The following DECR2 variants were observed in gnomAD, a reference collection of about 807,000 sequenced individuals.
DECR2 encodes the protein peroxisomal 2,4-dienoyl-CoA reductase [(3E)-enoyl-CoA-producing].
A neutral mutation model predicts 29.2 loss-of-function variants in DECR2; 34 were observed. That is an observed-to-expected ratio of 1.16 (90% CI 0.89 to 1.55). DECR2 has a LOEUF of 1.55. DECR2 is among the 40% of genes most tolerant of loss of function. The pLI, the probability that DECR2 is intolerant of heterozygous loss-of-function variation, is 0.00. For missense variants in DECR2, 485 were observed against 425.3 expected (o/e 1.14, Z -1.23); for synonymous variants, 224 against 182.7 (o/e 1.23, Z -1.82).
chr16:407,636 A>C (rs2141810098), intron 4 of DECR2, 76 bp downstream of exon 4: 1 of 1,580,946 alleles, frequency 6.3e-7, no homozygotes, highest in Non-Finnish European at 8.6e-7. Flanking sequence ...AACTCTGGTC[A>C]TGGGGTGGGG....
rs1030144882 is a variant in DECR2, at chr16:410,871, C to G, written c.556+87C>G. On this transcript the variant is annotated intron_variant, in intron 6 of 8. Coordinates refer to ENST00000219481, the MANE Select transcript of DECR2 (RefSeq NM_020664.4). The surrounding 1 kb of genome is among the most constrained non-coding windows in gnomAD (Gnocchi z 4.1). ...CATCCCAGGAGGCCAGCAGTCTCCA[C>G]TTGAAGCTGAGCCCAGCTGCAGGCA... 31 of 1,525,082 alleles carry G rather than the reference C, an allele frequency of 2.0e-5. No individual in the cohort carries two copies. Among genetic ancestry groups the G allele is most frequent in the Admixed American group, 4.0e-5 (2 of 50,284 alleles). The allele number at this position is 1,525,082 out of a possible 1,614,324, so 94.5% of individuals were successfully genotyped here.
Position 410,493 on chromosome 16 carries a change from A to C in DECR2, c.462+126A>C. 1 of 1,324,138 alleles carries C rather than the reference A, an allele frequency of 7.6e-7. No individual in the cohort carries two copies. Among genetic ancestry groups the C allele is most frequent in the Non-Finnish European group, 9.9e-7 (1 of 1,005,716 alleles). The allele number at this position is 1,324,138 out of a possible 1,614,324, so 82.0% of individuals were successfully genotyped here. A position where few individuals can be genotyped will look rare whatever the true frequency, so the allele number is the denominator to read the frequency against. Reference sequence around the variant, plus strand: ...AGTTCTTCCGGGTGGGTGTACTCCCAGCGGGGGCCTCCCCCTGACGGCCGC... The same window carrying C: ...AGTTCTTCCGGGTGGGTGTACTCCCCGCGGGGGCCTCCCCCTGACGGCCGC... On this transcript the variant is annotated intron_variant, in intron 5 of 8. Coordinates refer to ENST00000219481, the MANE Select transcript of DECR2 (RefSeq NM_020664.4). This position sits in a 1 kb window ranked among gnomAD's most constrained non-coding sequence, Gnocchi z 4.1.
chr16:406,360 C>A lies in DECR2; in HGVS notation c.164C>A (p.Thr55Lys). The change falls in exon 3 of 9, where the codon ACG (threonine) becomes AAG (lysine). Residue 55 changes from threonine (T) to lysine (K), a missense_variant. Physicochemically the swap from Thr to Lys is moderately conservative, Grantham distance 78 (BLOSUM62 -1). Transcript: ENST00000219481. The part of the protein sequence containing the change: ...AEIFMRHGCH[T>K]VIASRSLPRV... ...TGGTTTTGCAGGCACGGCTGCCATA[C>A]GGTGATTGCCAGTAGGAGCCTGCCG... 1 of 1,607,470 alleles carries A rather than the reference C, an allele frequency of 6.2e-7. No individual in the cohort carries two copies. The highest frequency in any genetic ancestry group is 8.5e-7 in the Non-Finnish European group (1 of 1,179,900).
In DECR2 at chr16:410,601, C is replaced by T. The variant is rs2054804407; in HGVS notation, c.463-90C>T. 1 of 1,411,274 alleles carries T rather than the reference C, an allele frequency of 7.1e-7. No homozygotes were observed. Among genetic ancestry groups the T allele is most frequent in the South Asian group, 1.2e-5 (1 of 81,720 alleles). 87.4% of individuals were successfully genotyped at this position (1,411,274 alleles called of 1,614,324 possible). ...CCCTGACGGCCGCCCGCTCCCTGCCCCGGGCCTCCCCCTGACAGCCACCCG... is the reference window on the plus strand; with the variant it reads ...CCCTGACGGCCGCCCGCTCCCTGCCTCGGGCCTCCCCCTGACAGCCACCCG... On this transcript the variant is annotated intron_variant, in intron 5 of 8. Transcript: ENST00000219481. The surrounding 1 kb of genome is among the most constrained non-coding windows in gnomAD (Gnocchi z 4.1).
intron 1 of DECR2, among the ~76,000 whole-genome samples, chr16:403,479 G>A (rs1263860574): frequency 2.0e-5 from 3 of 152,172 alleles, no homozygotes; most frequent in South Asian, 2.1e-4. Context: ...TTATCCCGAC[G>A]TAGCTTGCTG....
chr16:407,839 C>T (rs1278859466), intron 4 of DECR2, among the ~76,000 whole-genome samples: 5 of 146,720 alleles, frequency 3.4e-5, no homozygotes, highest in Non-Finnish European at 7.5e-5. Flanking sequence ...CTCCGGCCCC[C>T]TGTCTCTGGG....
intron 2 of DECR2, 133 bp from the exon 3 acceptor site, chr16:406,213 T>C: frequency 1.1e-6 from 1 of 870,818 alleles, no homozygotes; most frequent in East Asian, 2.6e-5. Flanking sequence ...TTCACGCCCC[T>C]GTGCCCTCTG....
intron 4 of DECR2, 48 bp downstream of exon 4, chr16:407,608 A>C: frequency 6.2e-7 from 1 of 1,607,244 alleles, no homozygotes; most frequent in African/African-American, 1.3e-5. Context: ...GGTTGGTGGT[A>C]CCATTTGGAG....
chr16:411,176 C>G, intron 7 of DECR2, 100 bp downstream of exon 7: 1 of 1,290,032 alleles, frequency 7.8e-7, no homozygotes, highest in Non-Finnish European at 1.0e-6. Context: ...TGTTGAAAAG[C>G]CCTGTGCTGG....
chr16:411,395 T>C lies in DECR2; in HGVS notation c.696T>C (p.Thr232=). ...AGGCCAGCCTGAGCACCAAGGTCAC[T>C]GCCAGCCCGCTGCAGAGGCTGGGGA... ...GPQASLSTKV[T]ASPLQRLGNK... Residue 232 remains threonine, a synonymous_variant, in exon 8 of 9, where the codon ACT becomes ACC. Coordinates refer to ENST00000219481, the MANE Select transcript of DECR2 (RefSeq NM_020664.4). 1.2e-6 allele frequency: 2 copies of C among 1,611,788 alleles called. No homozygotes were observed. The highest frequency in any genetic ancestry group is 1.7e-6 in the Non-Finnish European group (2 of 1,179,882).
At chr16:411,150 A>G in intron 7 of DECR2, 74 bp downstream of exon 7, 3 of 1,391,856 alleles carry the variant, frequency 2.2e-6, no homozygotes, top group Non-Finnish European at 2.9e-6. Flanking sequence ...AGCTTCCAGA[A>G]CCTTGGCAGG....
At chr16:411,791 C>G in intron 8 of DECR2, 99 bp from the exon 9 acceptor site, 1 of 513,838 alleles carries the variant, frequency 1.9e-6, no homozygotes, top group Non-Finnish European at 3.3e-6. Context: ...GCCTCGGCCT[C>G]TGCCGGCATT....
intron 4 of DECR2, chr16:409,553 C>T (rs1442671596): frequency 6.6e-6 from 1 of 152,166 alleles, no homozygotes; most frequent in Non-Finnish European, 1.5e-5. Context: ...ACAGTTTTCC[C>T]TGTTAACATC....
chr16:410,803 G>A lies in DECR2; in HGVS notation c.556+19G>A, dbSNP rs752785156. 54 of 1,253,424 alleles carry A rather than the reference G, an allele frequency of 4.3e-5. No homozygotes were observed. In the South Asian group the frequency reaches 4.8e-4, roughly 11 times the overall value. 77.6% of individuals were successfully genotyped at this position (1,253,424 alleles called of 1,614,324 possible). A position where few individuals can be genotyped will look rare whatever the true frequency, so the allele number is the denominator to read the frequency against. ...GCTGTGGGTATGACCACCCCCCCCC[G>A]CCCAGGTTTGCCCACGTGGGTCCCC... On this transcript the variant is annotated intron_variant, in intron 6 of 8. Transcript: ENST00000219481. The surrounding 1 kb of genome is among the most constrained non-coding windows in gnomAD (Gnocchi z 4.1).
At position 404,151 on chromosome 16, in the gene DECR2, C is replaced by T. The variant is rs574984949; in HGVS notation, c.81-805C>T. Among the ~76,000 whole-genome samples the T allele has an allele frequency of 6.0e-5, 9 of 151,130 alleles. No homozygotes were observed. In the East Asian group the frequency reaches 9.7e-4, roughly 16 times the overall value. On this transcript the variant is annotated intron_variant, in intron 1 of 8. Transcript: ENST00000219481. The stretch of plus-strand genomic sequence containing the variant: ...TCATGCCACTGCACTCCAGCCTGGG[C>T]GACAGAGCGAGACTCCATCTCAAAA...
chr16:405,523 G>A, intron 2 of DECR2: 2 of 1,303,884 alleles, frequency 1.5e-6, no homozygotes, highest in Non-Finnish European at 1.0e-6. Flanking sequence ...GGCATCTGAG[G>A]ACCAGATGGG....
At chr16:411,751 G>A (rs1014838843) in intron 8 of DECR2, 139 bp from the exon 9 acceptor site, 9 of 660,072 alleles carry the variant, frequency 1.4e-5, no homozygotes, top group East Asian at 6.1e-5. Flanking sequence ...AGCAGGAGGC[G>A]GGCGCTGGTG....
At position 407,264 on chromosome 16, in the gene DECR2, G is replaced by A. The variant is rs2141809335; in HGVS notation, c.202-161G>A. The A allele has an allele frequency of 2.1e-6, 3 of 1,433,720 alleles. No homozygotes were observed. In the South Asian group the frequency reaches 4.6e-5, roughly 22 times the overall value. The allele number at this position is 1,433,720 out of a possible 1,614,324, so 88.8% of individuals were successfully genotyped here. On this transcript the variant is annotated intron_variant, in intron 3 of 8. Coordinates refer to ENST00000219481, the MANE Select transcript of DECR2 (RefSeq NM_020664.4). ...GGCAGGTTCCCACAAACATCCACTG[G>A]GGTCGTGGGCACTTGCAGGCTGTGC...
chr16:411,260 T>C (rs2054815418), intron 7 of DECR2, 101 bp from the exon 8 acceptor site: 1 of 1,296,218 alleles, frequency 7.7e-7, no homozygotes, highest in East Asian at 2.4e-5. Flanking sequence ...ACTGACTGTG[T>C]CCTTGCTGTT....
Sources: allele counts gnomAD v4.1 joint callset (sites outside exome capture counted in the v4.1 genomes callset), GRCh38; gene constraint gnomAD v4.1.1; non-coding constraint Gnocchi (gnomAD v3.1); transcripts MANE v1.5; gene names NCBI Gene and HGNC (gene_info 2026-07-23, HGNC 2026-07-21).